NAA40: variants seen among roughly 807,000 people sequenced by gnomAD.
NAA40 encodes N-alpha-acetyltransferase 40.
NAA40 carries 26 observed loss-of-function variants against 36.6 expected under a neutral mutation model. That is an observed-to-expected ratio of 0.71 (90% CI 0.52 to 0.98). The LOEUF (loss-of-function observed/expected upper bound fraction) is 0.98. Ranked by LOEUF, NAA40 falls within the 50% of genes least tolerant of loss-of-function variation. NAA40 has a pLI of 0.00. For missense variants in NAA40, 237 were observed against 306.5 expected (o/e 0.77, Z 1.69); for synonymous variants, 129 against 108.4 (o/e 1.19, Z -1.18).
In NAA40 at chr11:63,939,472, A is replaced by G. The variant is rs145994894; in HGVS notation, c.6+370A>G. On this transcript the variant is annotated intron_variant, in intron 1 of 7. Transcript: ENST00000377793. ...TGTCACCAGCTTCGTCGCTTTTCACATCCGAGGTCAACCCTGGCTTGGAGG... is the reference window on the plus strand; with the variant it reads ...TGTCACCAGCTTCGTCGCTTTTCACGTCCGAGGTCAACCCTGGCTTGGAGG... 5.7e-5 allele frequency: 59 copies of G among 1,036,118 alleles called. 1 individual carries two copies. The East Asian group carries it at 4.5e-3, about 80-fold the overall frequency. The allele number at this position is 1,036,118 out of a possible 1,614,324, so 64.2% of individuals were successfully genotyped here.
intron 1 of NAA40, 100 bp downstream of exon 1, chr11:63,939,202 C>T (rs1942065926): frequency 3.3e-6 from 4 of 1,202,818 alleles, no homozygotes; most frequent in African/African-American, 3.5e-5. Flanking sequence ...CCCCGACCCC[C>T]TCCAGCCTCA....
At position 63,957,214 on chromosome 11, in the gene NAA40, T is replaced by TATATTTA. The variant is rs1565176250; in HGVS notation, c.*2735_*2736insATATTTA. On this transcript the variant is annotated 3_prime_UTR_variant, in exon 8 of 8. Transcript: ENST00000377793. ...TTGATATATATATATATATATATAT[T>TATATTTA]TTTTTTTTTCTTTAGCAGCTTGTTA... 1 of 63,390 alleles carries TATATTTA rather than the reference T, an allele frequency of 1.6e-5. No homozygotes were observed. The highest frequency in any genetic ancestry group is 4.1e-5 in the African/African-American group (1 of 24,212). 3.9% of individuals were successfully genotyped at this position (63,390 alleles called of 1,614,324 possible).
rs574032059 is a variant in NAA40, at chr11:63,940,726, C to T, written c.6+1624C>T. Among the ~76,000 whole-genome samples the T allele has an allele frequency of 3.3e-5, 5 of 151,798 alleles. No homozygotes were observed. In the East Asian group the frequency reaches 7.7e-4, roughly 23 times the overall value. On this transcript the variant is annotated intron_variant, in intron 1 of 7. Transcript: ENST00000377793. ...TTTTTCCCGTCACTCCACTATTTAT[C>T]GACTGAACAAATCAACTTATTAGAC...
At position 63,956,938 on chromosome 11, in the gene NAA40, A is replaced by T. The variant is rs972893124; in HGVS notation, c.*2459A>T. 2.4e-4 allele frequency: 36 copies of T among 150,418 alleles called. No individual in the cohort carries two copies. The highest frequency in any genetic ancestry group is 7.3e-4 in the African/African-American group (30 of 40,884). 9.3% of individuals were successfully genotyped at this position (150,418 alleles called of 1,614,324 possible). Reference sequence around the variant, plus strand: ...TGGTGAGCTGAGATCACGCCATTGCACTCCAGCCTAGGCGACAGAGTGAGA... The same window carrying T: ...TGGTGAGCTGAGATCACGCCATTGCTCTCCAGCCTAGGCGACAGAGTGAGA... On this transcript the variant is annotated 3_prime_UTR_variant, in exon 8 of 8. Coordinates refer to ENST00000377793, the MANE Select transcript of NAA40 (RefSeq NM_024771.4).
intron 6 of NAA40, among the ~76,000 whole-genome samples, 186 bp downstream of exon 6, chr11:63,953,025 T>C (rs1484017865): frequency 6.7e-6 from 1 of 148,954 alleles, no homozygotes; most frequent in East Asian, 2.0e-4. Context: ...TTTGTTTGTT[T>C]AGCTCAGTGC....
chr11:63,940,755 A>C (rs1942096321), intron 1 of NAA40, among the ~76,000 whole-genome samples: 1 of 152,148 alleles, frequency 6.6e-6, no homozygotes, highest in Admixed American at 6.6e-5. Context: ...ATTAGACAAA[A>C]ATAGTTGTCT....
chr11:63,939,455 G>C (rs2134262820), intron 1 of NAA40: 1 of 1,071,720 alleles, frequency 9.3e-7, no homozygotes. Flanking sequence ...GCTGTCACCA[G>C]CTTCGTCGCT....
Position 63,954,049 on chromosome 11 carries a change from A to G in NAA40, c.572A>G (p.Gln191Arg), listed in dbSNP as rs772277342. ...GAYQFFREAL[Q>R]FEIDDSSPSM... ...TACCAGTTCTTCAGAGAAGCGTTGC[A>G]GTAAGGAGCTGGGTGTGGGCCCTTC... Residue 191 changes from glutamine to arginine, a missense_variant and splice_region_variant, in exon 7 of 8, where the codon CAA becomes CGA. By Grantham distance (43) the Gln-to-Arg change is conservative. Coordinates refer to ENST00000377793, the MANE Select transcript of NAA40 (RefSeq NM_024771.4). 13 of 1,613,978 alleles carry G rather than the reference A, an allele frequency of 8.1e-6. No individual in the cohort carries two copies. The highest frequency in any genetic ancestry group is 1.6e-4 in the Middle Eastern group (1 of 6,082).
chr11:63,941,360 C>T (rs914583526), intron 1 of NAA40, among the ~76,000 whole-genome samples: 3 of 152,172 alleles, frequency 2.0e-5, no homozygotes, highest in Admixed American at 6.5e-5. Flanking sequence ...TTGCCACACA[C>T]GTGTCCTAGT....
chr11:63,939,269 G>A, intron 1 of NAA40, 167 bp downstream of exon 1: 1 of 1,292,244 alleles, frequency 7.7e-7, no homozygotes, highest in South Asian at 1.9e-5. Context: ...CCCTACGCTA[G>A]GCCTAGCCCG....
At position 63,954,496 on chromosome 11, in the gene NAA40, T is replaced by G. The variant is rs1347675714; in HGVS notation, c.*17T>G. The G allele has an allele frequency of 2.5e-6, 4 of 1,583,980 alleles. No individual in the cohort carries two copies. The highest frequency in any genetic ancestry group is 3.4e-6 in the Non-Finnish European group (4 of 1,166,650). ...TGCCACTGAACTCTCAGAGCCACTT[T>G]CAAGTCACAATGCTCTCTCCTAAGG... On this transcript the variant is annotated 3_prime_UTR_variant, in exon 8 of 8. Transcript: ENST00000377793.
At chr11:63,943,219 CTGAT>C (rs1357996385) in intron 1 of NAA40, among the ~76,000 whole-genome samples, 2 of 152,180 alleles carry the variant, frequency 1.3e-5, no homozygotes, top group East Asian at 1.9e-4. Context: ...TAGGCCCAAT[CTGAT>C]TGACGCCAAA....
chr11:63,939,028 A>T lies in NAA40; in HGVS notation c.-69A>T. The T allele has an allele frequency of 6.5e-7, 1 of 1,538,008 alleles. No homozygotes were observed. Among genetic ancestry groups the T allele is most frequent in the Non-Finnish European group, 8.8e-7 (1 of 1,139,150 alleles). ...TCCGCTCTGCTGCCGCCGCTGTTGC[A>T]GCCACCGCCGTTGCCGCCTCCCTGC... is the stretch of plus-strand genomic sequence containing the variant. On this transcript the variant is annotated 5_prime_UTR_variant, in exon 1 of 8. Transcript: ENST00000377793.
At chr11:63,939,239 G>A (rs1942066701) in intron 1 of NAA40, 137 bp downstream of exon 1, 1 of 1,227,622 alleles carries the variant, frequency 8.1e-7, no homozygotes, top group Non-Finnish European at 1.0e-6. Context: ...CACATGACCC[G>A]ACTCCCCCAT....
At chr11:63,945,512 G>T (rs1288855324) in intron 1 of NAA40, among the ~76,000 whole-genome samples, 1 of 152,150 alleles carries the variant, frequency 6.6e-6, no homozygotes, top group Non-Finnish European at 1.5e-5. Flanking sequence ...GAGGGAGCGG[G>T]TGAGTGAATA....
chr11:63,942,799 C>T (rs773621601), intron 1 of NAA40, among the ~76,000 whole-genome samples: 14 of 152,188 alleles, frequency 9.2e-5, no homozygotes, highest in Non-Finnish European at 1.5e-4. Flanking sequence ...CAGCGGAGCT[C>T]GTAAGGGGTT....
At chr11:63,946,030 A>C in intron 2 of NAA40, 95 bp downstream of exon 2, 2 of 1,073,256 alleles carry the variant, frequency 1.9e-6, no homozygotes, top group Non-Finnish European at 2.8e-6. Flanking sequence ...CAGAATTGTG[A>C]CACTACCCAC....
intron 1 of NAA40, chr11:63,939,357 C>G: frequency 8.0e-7 from 1 of 1,250,214 alleles, no homozygotes; most frequent in Non-Finnish European, 1.0e-6. Context: ...CTTCCTGCTT[C>G]GCGGACCCGT....
intron 1 of NAA40, among the ~76,000 whole-genome samples, chr11:63,940,870 A>C (rs1245915998): frequency 2.0e-5 from 3 of 152,238 alleles, no homozygotes; most frequent in African/African-American, 7.2e-5. Flanking sequence ...TTTAACCTAA[A>C]TTTTGGTGAA....
Sources: allele counts gnomAD v4.1 joint callset (sites outside exome capture counted in the v4.1 genomes callset), GRCh38; gene constraint gnomAD v4.1.1; transcripts MANE v1.5; gene names NCBI Gene and HGNC (gene_info 2026-07-23, HGNC 2026-07-21).